GPHN: variants seen among roughly 807,000 people sequenced by gnomAD.
GPHN encodes gephyrin.
In GPHN, 17 loss-of-function variants were observed where a neutral mutation model predicts 95.5. The ratio of observed to expected loss-of-function variants is 0.18; its 90% CI spans 0.12 to 0.27. The LOEUF (loss-of-function observed/expected upper bound fraction) is 0.27. Among genes scored for constraint, GPHN ranks in the 10% least tolerant of loss-of-function variants. The probability of loss-of-function intolerance (pLI) is 1.00; values close to 1 mark genes in which losing one functional copy is unlikely to be tolerated. For missense variants in GPHN, 660 were observed against 978.1 expected (o/e 0.67, Z 4.34); for synonymous variants, 320 against 322.5 (o/e 0.99, Z 0.08).
the GPHN span, among the ~76,000 whole-genome samples, chr14:67,323,261 G>GTGTGTATA: frequency 9.1e-4 from 113 of 124,188 alleles, 1 homozygote; most frequent in African/African-American, 2.5e-3. Context: ...GTGTGTGTGT[G>GTGTGTATA]TATATATATA....
chr14:66,669,037 A>G (rs903949706), intron 1 of GPHN, among the ~76,000 whole-genome samples: 1 of 151,542 alleles, frequency 6.6e-6, no homozygotes, highest in Non-Finnish European at 1.5e-5. Context: ...GGGTTTGGCT[A>G]TGTTAGCTAG....
At chr14:66,730,233 G>A (rs1292203850) in intron 2 of GPHN, among the ~76,000 whole-genome samples, 1 of 152,174 alleles carries the variant, frequency 6.6e-6, no homozygotes, top group Non-Finnish European at 1.5e-5. Flanking sequence ...CGTGGACTCA[G>A]TGTCCTTAGA....
chr14:66,534,069 TAAG>T (rs1051328026), intron 1 of GPHN, among the ~76,000 whole-genome samples: 10 of 152,204 alleles, frequency 6.6e-5, no homozygotes, highest in Admixed American at 5.9e-4. Context: ...TCCTTTATTG[TAAG>T]AAGATTTTCT....
At chr14:67,294,761 C>T in the GPHN span, 2 of 152,270 alleles carry the variant, frequency 1.3e-5, no homozygotes, top group African/African-American at 4.8e-5. Flanking sequence ...CAAGCTCTGC[C>T]TCCTGGGTTC....
intron 3 of GPHN, among the ~76,000 whole-genome samples, chr14:66,820,225 TAAAAC>T (rs1251651577): frequency 6.6e-6 from 1 of 152,138 alleles, no homozygotes; most frequent in African/African-American, 2.4e-5. Context: ...AAAAAACTGA[TAAAAC>T]AATATCCAGT....
the GPHN span, chr14:67,360,165 C>G: frequency 9.8e-6 from 4 of 406,140 alleles, no homozygotes; most frequent in African/African-American, 8.2e-5. Flanking sequence ...CTTTCTCGCG[C>G]CTTGAAGGTT....
the GPHN span, among the ~76,000 whole-genome samples, chr14:67,516,407 A>C: frequency 6.6e-6 from 1 of 152,054 alleles, no homozygotes; most frequent in East Asian, 1.9e-4. Context: ...GAGGGGGGGA[A>C]ATGAGGAGAG....
intron 21 of GPHN, among the ~76,000 whole-genome samples, chr14:67,172,990 C>T (rs2082687651): frequency 6.6e-6 from 1 of 152,190 alleles, no homozygotes; most frequent in South Asian, 2.1e-4. Flanking sequence ...CAGGGGCAAC[C>T]CTTCTTCTCT....
intron 11 of GPHN, among the ~76,000 whole-genome samples, chr14:67,084,481 G>C (rs1455286941): frequency 6.6e-6 from 1 of 152,070 alleles, no homozygotes; most frequent in Admixed American, 6.5e-5. Flanking sequence ...CAAGTTTTTG[G>C]TTAGGTGATT....
At chr14:67,603,081 G>GTTTTGTTTTGTTTTGTTTT in the GPHN span, among the ~76,000 whole-genome samples, 1 of 151,798 alleles carries the variant, frequency 6.6e-6, no homozygotes, top group African/African-American at 2.4e-5. Context: ...GTTTTGTTTT[G>GTTTTGTTTTGTTTTGTTTT]TTTGAGGCAA....
the GPHN span, among the ~76,000 whole-genome samples, chr14:67,197,873 G>A: frequency 6.6e-6 from 1 of 152,032 alleles, no homozygotes; most frequent in African/African-American, 2.4e-5. Flanking sequence ...CTGTTTTCAA[G>A]TCCTGATAGT....
At chr14:67,514,909 A>G in the GPHN span, among the ~76,000 whole-genome samples, 1 of 152,218 alleles carries the variant, frequency 6.6e-6, no homozygotes, top group East Asian at 1.9e-4. Flanking sequence ...CCGGGGCAGC[A>G]GCCTCGAAAC....
At chr14:67,099,271 G>A (rs1451140344) in intron 12 of GPHN, among the ~76,000 whole-genome samples, 13 of 151,868 alleles carry the variant, frequency 8.6e-5, no homozygotes, top group East Asian at 1.9e-4. Context: ...CACCATGCCC[G>A]GCTAATTTTT....
At chr14:66,839,293 C>A (rs1469301457) in intron 4 of GPHN, among the ~76,000 whole-genome samples, 1 of 152,146 alleles carries the variant, frequency 6.6e-6, no homozygotes, top group African/African-American at 2.4e-5. Flanking sequence ...AATTGATATA[C>A]AAAGAAATAA....
At chr14:67,314,815 C>G in the GPHN span, among the ~76,000 whole-genome samples, 1 of 152,072 alleles carries the variant, frequency 6.6e-6, no homozygotes, top group Admixed American at 6.6e-5. Context: ...ATGAGGCTGG[C>G]CCTGGTGGCT....
chr14:66,858,155 G>A (rs749422124), intron 4 of GPHN, among the ~76,000 whole-genome samples: 28 of 152,114 alleles, frequency 1.8e-4, no homozygotes, highest in Non-Finnish European at 2.9e-4. Flanking sequence ...ACAGTGGGAC[G>A]TGGGGGCACA....
At chr14:67,451,115 C>T in the GPHN span, among the ~76,000 whole-genome samples, 13 of 152,320 alleles carry the variant, frequency 8.5e-5, no homozygotes, top group South Asian at 2.5e-3. Flanking sequence ...TGGTGTTGAG[C>T]CTGTGAGTGC....
the GPHN span, among the ~76,000 whole-genome samples, chr14:67,408,818 C>T: frequency 2.4e-4 from 36 of 152,250 alleles, no homozygotes; most frequent in Non-Finnish European, 4.9e-4. Context: ...TACATTTTAT[C>T]ACTTTACTCT....
chr14:66,658,636 TG>T (rs1184049076), intron 1 of GPHN, among the ~76,000 whole-genome samples: 1 of 152,168 alleles, frequency 6.6e-6, no homozygotes, highest in Non-Finnish European at 1.5e-5. Context: ...TAGCATTTTT[TG>T]CAATAAGATC....
Sources: gnomAD v4.1 joint callset for allele counts (sites outside exome capture counted in the v4.1 genomes callset) on GRCh38, gnomAD v4.1.1 for gene constraint, MANE v1.5 for transcripts, NCBI Gene and HGNC (gene_info 2026-07-23, HGNC 2026-07-21) for gene names.